ATP9B: variants seen among roughly 807,000 people sequenced by gnomAD.
ATP9B encodes ATPase phospholipid transporting 9B, also known as probable phospholipid-transporting ATPase IIB.
A neutral mutation model predicts 146.1 loss-of-function variants in ATP9B; 110 were observed. That is an observed-to-expected ratio of 0.75 (90% CI 0.65 to 0.88). The LOEUF (loss-of-function observed/expected upper bound fraction) is 0.88. Ranked by LOEUF, ATP9B falls within the 40% of genes least tolerant of loss-of-function variation. The pLI, the probability that ATP9B is intolerant of heterozygous loss-of-function variation, is 0.00. For missense variants in ATP9B, 1,499 were observed against 1,496.4 expected (o/e 1.00, Z -0.03); for synonymous variants, 604 against 569.7 (o/e 1.06, Z -0.86).
At chr18:79,203,389 C>T (rs888539194) in intron 9 of ATP9B, among the ~76,000 whole-genome samples, 6 of 152,140 alleles carry the variant, frequency 3.9e-5, no homozygotes, top group African/African-American at 7.2e-5. Context: ...TAACAGCAGG[C>T]AGGAGGCCCT....
At chr18:79,199,614 T>C (rs2095447523) in intron 9 of ATP9B, among the ~76,000 whole-genome samples, 1 of 150,622 alleles carries the variant, frequency 6.6e-6, no homozygotes, top group Non-Finnish European at 1.5e-5. Flanking sequence ...AATACAAAAA[T>C]TAGCTGGGCG....
chr18:79,093,163 C>T (rs146870312), intron 1 of ATP9B, among the ~76,000 whole-genome samples: 26 of 152,248 alleles, frequency 1.7e-4, no homozygotes, highest in African/African-American at 6.3e-4. Flanking sequence ...CCATTGTTGA[C>T]TGGTATGTCA....
chr18:79,168,133 C>G (rs537013399), intron 7 of ATP9B, among the ~76,000 whole-genome samples: 2 of 152,216 alleles, frequency 1.3e-5, no homozygotes, highest in African/African-American at 2.4e-5. Flanking sequence ...TCCAGAGGCG[C>G]CACTGCTGCC....
At chr18:79,228,491 GGT>G (rs1372580410) in intron 11 of ATP9B, among the ~76,000 whole-genome samples, 2 of 152,148 alleles carry the variant, frequency 1.3e-5, no homozygotes, top group African/African-American at 4.8e-5. Flanking sequence ...CCCTGTTTAA[GGT>G]GATCGCCTGT....
chr18:79,260,921 C>T (rs929363749), intron 12 of ATP9B, among the ~76,000 whole-genome samples: 3 of 152,188 alleles, frequency 2.0e-5, no homozygotes, highest in Admixed American at 2.0e-4. Flanking sequence ...CAGTTTCTCC[C>T]ATTTGGAATG....
chr18:79,336,262 A>G (rs1384891130), intron 17 of ATP9B, among the ~76,000 whole-genome samples: 4 of 152,122 alleles, frequency 2.6e-5, no homozygotes, highest in Non-Finnish European at 4.4e-5. Context: ...TGCCGTCCAC[A>G]CTCTGGAGTG....
chr18:79,300,591 G>A lies in ATP9B; in HGVS notation c.1412-3013G>A, dbSNP rs549596989. On this transcript the variant is annotated intron_variant, in intron 13 of 29. Coordinates refer to ENST00000426216, the MANE Select transcript of ATP9B (RefSeq NM_198531.5). Reference sequence around the variant, plus strand: ...TGTGAGGACACTGAGACTTGAGCCCGGGGCTGCGGGGCCGTGGACAACAGC... The same window carrying A: ...TGTGAGGACACTGAGACTTGAGCCCAGGGCTGCGGGGCCGTGGACAACAGC... Among the ~76,000 whole-genome samples, 5 of 152,270 alleles carry A rather than the reference G, an allele frequency of 3.3e-5. No homozygotes were observed. In the South Asian group the frequency reaches 6.2e-4, roughly 19 times the overall value.
chr18:79,069,856 C>T (rs540968742), intron 1 of ATP9B, among the ~76,000 whole-genome samples: 6 of 152,362 alleles, frequency 3.9e-5, no homozygotes, highest in African/African-American at 1.4e-4. Context: ...GTGCTAACTT[C>T]TCGGATACTT....
At chr18:79,260,366 G>A (rs990018263) in intron 12 of ATP9B, among the ~76,000 whole-genome samples, 7 of 151,468 alleles carry the variant, frequency 4.6e-5, no homozygotes, top group African/African-American at 9.7e-5. Flanking sequence ...GGAGGAAACC[G>A]CCCCCATGAT....
chr18:79,110,608 G>A (rs1490048575), intron 3 of ATP9B, 103 bp downstream of exon 3: 3 of 1,123,484 alleles, frequency 2.7e-6, no homozygotes, highest in Admixed American at 2.7e-5. Context: ...GTATTGAGTT[G>A]TGTCACATCC....
At chr18:79,337,007 G>A (rs1011836943) in intron 18 of ATP9B, among the ~76,000 whole-genome samples, 3 of 152,270 alleles carry the variant, frequency 2.0e-5, no homozygotes, top group African/African-American at 7.2e-5. Flanking sequence ...TAGAGTATGT[G>A]CACATAGGCG....
At chr18:79,137,061 G>T (rs1225183083) in intron 5 of ATP9B, among the ~76,000 whole-genome samples, 2 of 152,092 alleles carry the variant, frequency 1.3e-5, no homozygotes, top group Non-Finnish European at 2.9e-5. Context: ...ATGAGAGTTG[G>T]GTGGAGACAC....
At chr18:79,366,755 G>A (rs891612045) in intron 26 of ATP9B, among the ~76,000 whole-genome samples, 6 of 152,188 alleles carry the variant, frequency 3.9e-5, no homozygotes, top group East Asian at 1.9e-4. Context: ...ACCCTGTGCC[G>A]TCCCCCACCA....
intron 15 of ATP9B, among the ~76,000 whole-genome samples, chr18:79,325,407 G>A (rs2096738910): frequency 6.6e-6 from 1 of 152,144 alleles, no homozygotes; most frequent in Non-Finnish European, 1.5e-5. Flanking sequence ...TATATCATAA[G>A]CTCACTTTAC....
chr18:79,150,364 GT>G (rs1041409687), intron 6 of ATP9B, among the ~76,000 whole-genome samples: 3 of 151,768 alleles, frequency 2.0e-5, no homozygotes, highest in African/African-American at 4.8e-5. Context: ...ACTCCTGGAC[GT>G]TTATCACAGA....
At chr18:79,325,033 A>G (rs2096736478) in intron 15 of ATP9B, among the ~76,000 whole-genome samples, 1 of 152,210 alleles carries the variant, frequency 6.6e-6, no homozygotes, top group Non-Finnish European at 1.5e-5. Context: ...GTGGCCGAAG[A>G]CAGACCCGGT....
intron 9 of ATP9B, among the ~76,000 whole-genome samples, chr18:79,200,016 A>G (rs1248629908): frequency 6.6e-6 from 1 of 152,250 alleles, no homozygotes; most frequent in Admixed American, 6.5e-5. Flanking sequence ...TCAAACAGTG[A>G]TAAAAAGTAT....
chr18:79,305,614 A>G (rs2096616525), intron 14 of ATP9B, among the ~76,000 whole-genome samples: 1 of 152,186 alleles, frequency 6.6e-6, no homozygotes, highest in Admixed American at 6.5e-5. Context: ...AAAAAAAATT[A>G]TCTATGAATG....
At chr18:79,140,944 G>A (rs1430479985) in intron 5 of ATP9B, among the ~76,000 whole-genome samples, 2 of 152,126 alleles carry the variant, frequency 1.3e-5, no homozygotes, top group Admixed American at 6.6e-5. Context: ...ATAATGGAAG[G>A]GAACATTTAT....
Sources: allele counts gnomAD v4.1 joint callset (sites outside exome capture counted in the v4.1 genomes callset), GRCh38; gene constraint gnomAD v4.1.1; transcripts MANE v1.5; gene names NCBI Gene and HGNC (gene_info 2026-07-23, HGNC 2026-07-21).